The following HPSE2 variants were observed in gnomAD, a reference collection of about 807,000 sequenced individuals.
HPSE2 encodes heparanase 2 (inactive).
Under a neutral mutation model 60.5 loss-of-function variants are expected in HPSE2, and 38 were observed. The observed-to-expected ratio is 0.63, with a 90% CI of 0.48 to 0.82. The LOEUF is 0.82. Ranked by LOEUF, HPSE2 falls within the 40% of genes least tolerant of loss-of-function variation. HPSE2 has a pLI of 0.00. For synonymous variants in HPSE2, 295 were observed against 293.2 expected (o/e 1.01, Z -0.06); for missense variants, 713 against 740.4 (o/e 0.96, Z 0.43).
chr10:98,652,795 G>A (rs1946952748), intron 6 of HPSE2, among the ~76,000 whole-genome samples: 1 of 152,060 alleles, frequency 6.6e-6, no homozygotes, highest in Admixed American at 6.5e-5. Flanking sequence ...CTTACCCAGT[G>A]GTTATTAATC....
At chr10:98,533,370 C>G (rs1185162170) in intron 9 of HPSE2, among the ~76,000 whole-genome samples, 1 of 152,184 alleles carries the variant, frequency 6.6e-6, no homozygotes, top group Admixed American at 6.5e-5. Context: ...TGCCTTAATA[C>G]AAAATTTCCT....
At chr10:99,238,246 A>G (rs1338305957), upstream of HPSE2, among the ~76,000 whole-genome samples, 1 of 152,220 alleles carries the variant, frequency 6.6e-6, no homozygotes, top group African/African-American at 2.4e-5. Context: ...GACAATTTGA[A>G]TACGTATATC....
chr10:98,725,387 G>A (rs1949045584), intron 4 of HPSE2, among the ~76,000 whole-genome samples: 1 of 152,198 alleles, frequency 6.6e-6, no homozygotes, highest in Non-Finnish European at 1.5e-5. Flanking sequence ...AAGGAATGGG[G>A]AAAGGATTCC....
At chr10:98,747,435 C>T (rs1334585279) in intron 3 of HPSE2, among the ~76,000 whole-genome samples, 17 of 152,030 alleles carry the variant, frequency 1.1e-4, no homozygotes, top group Non-Finnish European at 1.5e-5. Flanking sequence ...AACACAAACA[C>T]ACATCAAACA....
At position 98,572,066 on chromosome 10, in the gene HPSE2, A is replaced by T. The variant is rs547031392; in HGVS notation, c.1320+42838T>A. On this transcript the variant is annotated intron_variant, in intron 9 of 11. Transcript: ENST00000370552. The stretch of plus-strand genomic sequence containing the variant: ...AGTGATTCTCCTGCCTCAGCCTCCC[A>T]AGTAGCTGGGATTACAGGTGCCCAC... Among the ~76,000 whole-genome samples the T allele has an allele frequency of 5.8e-4, 87 of 150,184 alleles. No individual in the cohort carries two copies. In the Middle Eastern group the frequency reaches 0.01, roughly 18 times the overall value.
intron 3 of HPSE2, among the ~76,000 whole-genome samples, chr10:99,134,790 A>G (rs982357440): frequency 6.6e-6 from 1 of 152,212 alleles, no homozygotes; most frequent in African/African-American, 2.4e-5. Flanking sequence ...GAGCATCAAC[A>G]CTATGAAGAA....
rs144694104 is a variant in HPSE2, at chr10:99,218,476, C to T, written c.448+13872G>A. Among the ~76,000 whole-genome samples the T allele has an allele frequency of 6.9e-3, 1,057 of 152,126 alleles. 11 individuals carry two copies. Among genetic ancestry groups the T allele is most frequent in the African/African-American group, 0.024 (1,008 of 41,526 alleles). ...TTTCCCCTCCCCCTGAGTTTTCAATCGTTCTGTTCCACATTTAGGTGATGA... is the reference window on the plus strand; with the variant it reads ...TTTCCCCTCCCCCTGAGTTTTCAATTGTTCTGTTCCACATTTAGGTGATGA... On this transcript the variant is annotated intron_variant, in intron 2 of 11. Coordinates refer to ENST00000370552, the MANE Select transcript of HPSE2 (RefSeq NM_021828.5).
chr10:98,638,462 A>G (rs980333411), intron 7 of HPSE2, among the ~76,000 whole-genome samples: 8 of 152,318 alleles, frequency 5.3e-5, no homozygotes, highest in Middle Eastern at 3.4e-3. Context: ...TAAAAATTAA[A>G]AAAACATAAA....
chr10:98,518,690 G>C (rs1469827744), intron 9 of HPSE2, among the ~76,000 whole-genome samples: 1 of 146,278 alleles, frequency 6.8e-6, no homozygotes, highest in African/African-American at 2.5e-5. Flanking sequence ...CTGGGCCACA[G>C]AGTGAGACTC....
At chr10:98,776,474 T>A (rs530478072) in intron 3 of HPSE2, among the ~76,000 whole-genome samples, 4 of 151,812 alleles carry the variant, frequency 2.6e-5, no homozygotes, top group Admixed American at 2.6e-4. Context: ...ATAATAATAA[T>A]AATAAACAGT....
At chr10:98,564,366 G>C (rs186301197) in intron 9 of HPSE2, among the ~76,000 whole-genome samples, 1 of 152,150 alleles carries the variant, frequency 6.6e-6, no homozygotes, top group Non-Finnish European at 1.5e-5. Context: ...TAAATTTATA[G>C]GCATTTTTTT....
chr10:98,714,317 T>C (rs1447550930), intron 5 of HPSE2, among the ~76,000 whole-genome samples: 1 of 151,974 alleles, frequency 6.6e-6, no homozygotes, highest in African/African-American at 2.4e-5. Flanking sequence ...TTCTAGAATA[T>C]TTCATCATTC....
At chr10:98,956,971 TGGTACAAATTGAATGA>T (rs1025810214) in intron 3 of HPSE2, among the ~76,000 whole-genome samples, 74 of 152,176 alleles carry the variant, frequency 4.9e-4, no homozygotes, top group African/African-American at 1.7e-3. Context: ...GCCAGGGCAC[TGGTACAAATTGAATGA>T]GAGAGTGTGC....
At chr10:98,497,011 C>A (rs1237624054) in intron 9 of HPSE2, among the ~76,000 whole-genome samples, 2 of 151,554 alleles carry the variant, frequency 1.3e-5, no homozygotes, top group African/African-American at 4.8e-5. Context: ...TCTTCTAGTT[C>A]TTTTTTATAT....
At chr10:98,745,129 G>GAGAC (rs1398435114) in intron 3 of HPSE2, among the ~76,000 whole-genome samples, 1 of 152,190 alleles carries the variant, frequency 6.6e-6, no homozygotes, top group East Asian at 1.9e-4. Context: ...GTGAACCTGG[G>GAGAC]AGACAGAGCT....
chr10:99,081,194 T>C (rs2135573242), intron 3 of HPSE2, among the ~76,000 whole-genome samples: 1 of 152,348 alleles, frequency 6.6e-6, no homozygotes. Context: ...TTGCACAGCA[T>C]TTCCATTGTT....
chr10:99,161,254 A>C (rs1846831623), intron 2 of HPSE2, among the ~76,000 whole-genome samples: 1 of 152,020 alleles, frequency 6.6e-6, no homozygotes, highest in Admixed American at 6.6e-5. Flanking sequence ...ATGAATATTT[A>C]TAGTAGCATT....
chr10:99,148,281 A>G (rs1029595694), intron 2 of HPSE2, among the ~76,000 whole-genome samples: 1 of 152,174 alleles, frequency 6.6e-6, no homozygotes, highest in African/African-American at 2.4e-5. Context: ...CTAAGATTAC[A>G]TTTCTTTAGC....
chr10:99,232,088 C>T (rs1225812855), intron 2 of HPSE2, among the ~76,000 whole-genome samples: 2 of 152,082 alleles, frequency 1.3e-5, no homozygotes, highest in Non-Finnish European at 2.9e-5. Context: ...ACCTGGAGAA[C>T]CCCCTTTGCG....
Sources: allele counts gnomAD v4.1 joint callset (sites outside exome capture counted in the v4.1 genomes callset), GRCh38; gene constraint gnomAD v4.1.1; transcripts MANE v1.5; gene names NCBI Gene and HGNC (gene_info 2026-07-23, HGNC 2026-07-21).